The following KIRREL1 variants were observed in gnomAD, a reference collection of about 807,000 sequenced individuals.
KIRREL1 encodes kirre like nephrin family adhesion molecule 1.
A neutral mutation model predicts 83.3 loss-of-function variants in KIRREL1; 25 were observed. The ratio of observed to expected loss-of-function variants is 0.30; its 90% confidence interval spans 0.22 to 0.42. The LOEUF (loss-of-function observed/expected upper bound fraction) is 0.42, where lower values mean the gene tolerates loss of function less well. Among genes scored for constraint, KIRREL1 ranks in the 10% least tolerant of loss-of-function variants. The probability of loss-of-function intolerance (pLI) is 1.00; values close to 1 mark genes in which losing one functional copy is unlikely to be tolerated. For missense variants in KIRREL1, 812 were observed against 1,032.3 expected (o/e 0.79, Z 2.92); for synonymous variants, 388 against 410.4 (o/e 0.95, Z 0.66).
In KIRREL1 at chr1:158,089,507, G is replaced by A; in HGVS notation, c.1050G>A (p.Leu350=). ...AGGCTGCTCTCTCTGCCCAGGTCCT[G>A]AGTAACAGCAACCAGCTGCTGCTGA... ...TWTKKDSNMV[L]SNSNQLLLKS... The change falls in exon 9 of 15, where the codon CTG becomes CTA. Residue 350 remains leucine, a synonymous_variant. Transcript: ENST00000359209. The A allele has an allele frequency of 6.2e-7, 1 of 1,614,166 alleles. No homozygotes were observed. Among genetic ancestry groups the A allele is most frequent in the Non-Finnish European group, 8.5e-7 (1 of 1,180,038 alleles).
chr1:158,089,650 C>T (rs1472046947), intron 9 of KIRREL1, 22 bp downstream of exon 9: 2 of 1,612,844 alleles, frequency 1.2e-6, no homozygotes, highest in Non-Finnish European at 1.7e-6. Context: ...GCCTGAGAGG[C>T]AGCCGGGCCT....
chr1:158,022,264 T>C (rs1476871528), intron 1 of KIRREL1, among the ~76,000 whole-genome samples: 9 of 152,174 alleles, frequency 5.9e-5, no homozygotes, highest in Non-Finnish European at 1.2e-4. Flanking sequence ...ATAAGAGCAT[T>C]ATAAGTATCC....
At chr1:158,085,445 AC>A (rs1427796067) in intron 4 of KIRREL1, among the ~76,000 whole-genome samples, 1 of 152,206 alleles carries the variant, frequency 6.6e-6, no homozygotes, top group East Asian at 1.9e-4. Context: ...TTCTCATTTG[AC>A]AAATGATAAT....
At chr1:158,086,890 T>C in intron 5 of KIRREL1, 144 bp downstream of exon 5, 4 of 732,906 alleles carry the variant, frequency 5.5e-6, no homozygotes, top group Non-Finnish European at 8.9e-6. Flanking sequence ...ACATCTTTCA[T>C]TCCCTGGATT....
At chr1:157,997,908 G>C (rs1259388962) in intron 1 of KIRREL1, among the ~76,000 whole-genome samples, 1 of 152,050 alleles carries the variant, frequency 6.6e-6, no homozygotes, top group African/African-American at 2.4e-5. Context: ...TTTAGATAGG[G>C]TCTTGCTCTG....
intron 1 of KIRREL1, among the ~76,000 whole-genome samples, chr1:157,993,983 G>C (rs1331073388): frequency 6.6e-6 from 1 of 152,242 alleles, no homozygotes; most frequent in African/African-American, 2.4e-5. Flanking sequence ...CCGAGCAATG[G>C]GGCCGCGAGG....
intron 1 of KIRREL1, among the ~76,000 whole-genome samples, chr1:158,008,844 G>A (rs955329010): frequency 6.6e-6 from 1 of 152,158 alleles, no homozygotes; most frequent in Non-Finnish European, 1.5e-5. Flanking sequence ...CTGGTTAGTT[G>A]TAAAGGTCAT....
intron 1 of KIRREL1, among the ~76,000 whole-genome samples, chr1:158,020,988 C>G (rs188211562): frequency 2.4e-3 from 358 of 152,212 alleles, no homozygotes; most frequent in Non-Finnish European, 3.4e-3. Context: ...AAGCAGTGGC[C>G]CATATCTTCT....
chr1:158,089,652 G>A, intron 9 of KIRREL1, 24 bp downstream of exon 9: 2 of 1,613,398 alleles, frequency 1.2e-6, no homozygotes, highest in Non-Finnish European at 1.7e-6. Flanking sequence ...CTGAGAGGCA[G>A]CCGGGCCTGG....
intron 1 of KIRREL1, among the ~76,000 whole-genome samples, chr1:158,050,696 CAG>C (rs1369247383): frequency 6.6e-6 from 1 of 151,944 alleles, no homozygotes; most frequent in African/African-American, 2.4e-5. Context: ...ATTAGAAGTC[CAG>C]AGAGACCACA....
At position 158,084,499 on chromosome 1, in the gene KIRREL1, C is replaced by A; in HGVS notation, c.430C>A (p.Arg144=). 1 of 1,551,778 alleles carries A rather than the reference C, an allele frequency of 6.4e-7. No homozygotes were observed. The highest frequency in any genetic ancestry group is 8.7e-7 in the Non-Finnish European group (1 of 1,147,008). ...AGGCACCCCCCACAACCTCACATGC[C>A]GGGCCTTCAATGCGAAGCCTGCTGC... The part of the protein sequence containing the change: ...QAGTPHNLTC[R]AFNAKPAATI... The change falls in exon 4 of 15, where the codon CGG becomes AGG. Residue 144 remains arginine, a synonymous_variant. Transcript: ENST00000359209.
At chr1:157,998,619 A>C (rs1170697860) in intron 1 of KIRREL1, among the ~76,000 whole-genome samples, 1 of 152,224 alleles carries the variant, frequency 6.6e-6, no homozygotes, top group African/African-American at 2.4e-5. Flanking sequence ...AGGCAAAAGA[A>C]GCACTGAGAA....
At chr1:158,083,746 A>G (rs545387902) in intron 3 of KIRREL1, among the ~76,000 whole-genome samples, 1 of 152,296 alleles carries the variant, frequency 6.6e-6, no homozygotes, top group East Asian at 1.9e-4. Flanking sequence ...GACTCCCAAG[A>G]CTATGAGCTG....
intron 1 of KIRREL1, among the ~76,000 whole-genome samples, chr1:158,067,144 C>T (rs1226529878): frequency 6.6e-6 from 1 of 152,188 alleles, no homozygotes; most frequent in Non-Finnish European, 1.5e-5. Flanking sequence ...CAGCCTTTTC[C>T]ATGTAGAGCT....
rs115252365 is a variant in KIRREL1 at position 158,100,166 on chromosome 1, T to A, written c.*5046T>A. 328 of 150,826 alleles carry A rather than the reference T, an allele frequency of 2.2e-3. 4 individuals are homozygous for A. Among genetic ancestry groups the A allele is most frequent in the African/African-American group, 7.1e-3 (295 of 41,360 alleles). 9.3% of individuals were successfully genotyped at this position (150,826 alleles called of 1,614,324 possible). ...CTATTCTACTTTTTTTTCCTTTTTT[T>A]AAAAATATTATGTACTATATTTTTA... On this transcript the variant is annotated 3_prime_UTR_variant, in exon 15 of 15. Transcript: ENST00000359209.
chr1:158,059,280 C>T (rs1450438552), intron 1 of KIRREL1, among the ~76,000 whole-genome samples: 1 of 152,184 alleles, frequency 6.6e-6, no homozygotes, highest in East Asian at 1.9e-4. Context: ...AGCATCAAGT[C>T]CCTTTTTCCG....
rs576110674 is a variant in KIRREL1 at position 158,002,227 on chromosome 1, C to T, written c.52+8499C>T. Among the ~76,000 whole-genome samples the T allele has an allele frequency of 5.3e-5, 8 of 152,278 alleles. No homozygotes were observed. In the East Asian group the frequency reaches 7.7e-4, roughly 15 times the overall value. ...AGGCAGAGTTCAACGGCAGTAACTGCGAGGAGAGCTCTGCAGCCTGACTCT... is the reference window on the plus strand; with the variant it reads ...AGGCAGAGTTCAACGGCAGTAACTGTGAGGAGAGCTCTGCAGCCTGACTCT... On this transcript the variant is annotated intron_variant, in intron 1 of 14. Transcript: ENST00000359209.
chr1:158,062,393 A>AT (rs1661238569), intron 1 of KIRREL1, among the ~76,000 whole-genome samples: 1 of 152,242 alleles, frequency 6.6e-6, no homozygotes, highest in South Asian at 2.1e-4. Flanking sequence ...CCTGCAGCAA[A>AT]TTAACATTCT....
chr1:158,094,567 C>T lies in KIRREL1; in HGVS notation c.1798-77C>T. ...ACATAGGGAGAGCTGGAGGAAGAGG[C>T]CCAGAAAGCCATGGTGAGACTTGAT... On this transcript the variant is annotated intron_variant, in intron 14 of 14. Transcript: ENST00000359209. This position sits in a 1 kb window ranked among gnomAD's most constrained non-coding sequence, Gnocchi z 4.6. 3.8e-6 allele frequency: 5 copies of T among 1,325,998 alleles called. No individual in the cohort carries two copies. Among genetic ancestry groups the T allele is most frequent in the Non-Finnish European group, 5.3e-6 (5 of 938,550 alleles). 82.1% of individuals were successfully genotyped at this position (1,325,998 alleles called of 1,614,324 possible). A position where few individuals can be genotyped will look rare whatever the true frequency, so the allele number is the denominator to read the frequency against.
Sources: gnomAD v4.1 joint callset for allele counts (sites outside exome capture counted in the v4.1 genomes callset) on GRCh38, gnomAD v4.1.1 for gene constraint, Gnocchi (gnomAD v3.1) non-coding constraint, MANE v1.5 for transcripts, NCBI Gene and HGNC (gene_info 2026-07-23, HGNC 2026-07-21) for gene names.